Variants in AGMO observed in about 807,000 individuals in gnomAD.
The protein encoded by AGMO is alkylglycerol monooxygenase.
Under a neutral mutation model 60.2 loss-of-function variants are expected in AGMO, and 75 were observed. That is an observed-to-expected ratio of 1.25 (90% CI 1.03 to 1.51). The LOEUF (loss-of-function observed/expected upper bound fraction) is 1.51, where lower values mean the gene tolerates loss of function less well. Among genes scored for constraint, AGMO ranks in the 40% most tolerant of loss-of-function variants. The pLI, the probability that AGMO is intolerant of heterozygous loss-of-function variation, is 0.00. For missense variants in AGMO, 763 were observed against 525.5 expected (o/e 1.45, Z -4.42); for synonymous variants, 261 against 177.1 (o/e 1.47, Z -3.76).
At chr7:15,369,496 C>T (rs977700439) in intron 10 of AGMO, among the ~76,000 whole-genome samples, 1 of 152,122 alleles carries the variant, frequency 6.6e-6, no homozygotes, top group East Asian at 1.9e-4. Flanking sequence ...AAGTCTGTTT[C>T]ACCTACTATT....
chr7:15,233,247 A>T (rs1411193771), intron 12 of AGMO, among the ~76,000 whole-genome samples: 1 of 152,212 alleles, frequency 6.6e-6, no homozygotes, highest in Non-Finnish European at 1.5e-5. Context: ...TATGAAAAGC[A>T]TGTTAAAATC....
At chr7:15,122,220 A>C in the AGMO span, among the ~76,000 whole-genome samples, 1 of 152,124 alleles carries the variant, frequency 6.6e-6, no homozygotes. Flanking sequence ...AGAAAAAAAC[A>C]ACCCCATCAA....
chr7:15,496,260 C>T (rs1394597846), intron 3 of AGMO, among the ~76,000 whole-genome samples: 1 of 152,092 alleles, frequency 6.6e-6, no homozygotes, highest in Non-Finnish European at 1.5e-5. Flanking sequence ...CTAAGATGTG[C>T]CTGATCAGCT....
intron 12 of AGMO, among the ~76,000 whole-genome samples, chr7:15,316,773 T>A (rs1280644106): frequency 6.6e-6 from 1 of 152,226 alleles, no homozygotes; most frequent in Non-Finnish European, 1.5e-5. Flanking sequence ...AGTTACAAAG[T>A]ATATTTCAGT....
intron 5 of AGMO, among the ~76,000 whole-genome samples, chr7:15,395,350 A>G (rs180980125): frequency 3.4e-4 from 52 of 152,360 alleles, no homozygotes; most frequent in Non-Finnish European, 6.8e-4. Flanking sequence ...TTAAAATTAA[A>G]AAAAATTTAA....
intron 3 of AGMO, among the ~76,000 whole-genome samples, chr7:15,473,095 C>A (rs1371431623): frequency 6.6e-6 from 1 of 151,616 alleles, no homozygotes; most frequent in South Asian, 2.1e-4. Flanking sequence ...AAATACAAAC[C>A]ACAATCAAAG....
At chr7:15,256,140 G>A (rs1029865455) in intron 12 of AGMO, among the ~76,000 whole-genome samples, 2 of 152,172 alleles carry the variant, frequency 1.3e-5, no homozygotes, top group African/African-American at 4.8e-5. Context: ...GCAGTTATTG[G>A]TAATGACAGA....
the AGMO span, among the ~76,000 whole-genome samples, chr7:15,176,701 G>C: frequency 1.3e-5 from 2 of 151,882 alleles, no homozygotes; most frequent in African/African-American, 4.8e-5. Context: ...AAGCAAATTT[G>C]TGTTAGCAAA....
At chr7:15,227,408 G>T (rs1782118204) in intron 12 of AGMO, among the ~76,000 whole-genome samples, 1 of 150,282 alleles carries the variant, frequency 6.7e-6, no homozygotes, top group Admixed American at 6.7e-5. Flanking sequence ...GTGCCCCAAA[G>T]AGTTAAACAA....
chr7:15,409,831 A>G (rs1011138344), intron 5 of AGMO, among the ~76,000 whole-genome samples: 3 of 151,820 alleles, frequency 2.0e-5, no homozygotes, highest in Admixed American at 6.6e-5. Flanking sequence ...TACTTTGTAC[A>G]AACCCTAGGT....
chr7:15,444,833 T>G (rs1015985231), intron 3 of AGMO, among the ~76,000 whole-genome samples: 12 of 152,190 alleles, frequency 7.9e-5, no homozygotes, highest in African/African-American at 2.9e-4. Context: ...GATTTCCTTT[T>G]GGAAATTATA....
intron 12 of AGMO, among the ~76,000 whole-genome samples, chr7:15,229,690 ATAAC>A (rs1167359528): frequency 1.4e-5 from 2 of 144,396 alleles, no homozygotes; most frequent in Non-Finnish European, 3.0e-5. Flanking sequence ...ACACATATAT[ATAAC>A]TAATTATTTA....
chr7:15,406,333 T>C (rs1024157158), intron 5 of AGMO, among the ~76,000 whole-genome samples: 2 of 144,856 alleles, frequency 1.4e-5, no homozygotes, highest in African/African-American at 5.1e-5. Flanking sequence ...ATATATGGAA[T>C]ATACATATAT....
chr7:15,320,653 T>C (rs1781081040), intron 12 of AGMO, among the ~76,000 whole-genome samples: 1 of 152,152 alleles, frequency 6.6e-6, no homozygotes, highest in African/African-American at 2.4e-5. Flanking sequence ...TTTTTCATAT[T>C]TGTTTATCCT....
chr7:15,432,432 C>A (rs1781280841), intron 3 of AGMO, among the ~76,000 whole-genome samples: 1 of 147,752 alleles, frequency 6.8e-6, no homozygotes, highest in African/African-American at 2.5e-5. Flanking sequence ...GTTCTCTGAA[C>A]AGTCTGTATA....
chr7:15,479,099 G>C (rs1425207402), intron 3 of AGMO, among the ~76,000 whole-genome samples: 7 of 152,082 alleles, frequency 4.6e-5, no homozygotes, highest in Admixed American at 4.6e-4. Context: ...ATAAATATCT[G>C]CATAGACAGT....
At chr7:15,550,607 A>G (rs1217432918) in intron 2 of AGMO, among the ~76,000 whole-genome samples, 1 of 151,656 alleles carries the variant, frequency 6.6e-6, no homozygotes, top group African/African-American at 2.4e-5. Flanking sequence ...CTCTCCCAAG[A>G]CTAAACCAGG....
intron 10 of AGMO, among the ~76,000 whole-genome samples, chr7:15,373,182 G>A (rs1783288976): frequency 1.3e-5 from 2 of 151,944 alleles, no homozygotes; most frequent in South Asian, 4.2e-4. Context: ...GGAGGTTAAG[G>A]CACAAGAACT....
chr7:15,357,446 G>A (rs980146012), intron 12 of AGMO, among the ~76,000 whole-genome samples: 6 of 152,080 alleles, frequency 3.9e-5, no homozygotes, highest in East Asian at 1.9e-4. Flanking sequence ...GTGGTAGACG[G>A]ATAAAAGGCC....
Sources: gnomAD v4.1 joint callset for allele counts (sites outside exome capture counted in the v4.1 genomes callset) on GRCh38, gnomAD v4.1.1 for gene constraint, MANE v1.5 for transcripts, NCBI Gene and HGNC (gene_info 2026-07-23, HGNC 2026-07-21) for gene names.